Variants in FAM149A observed in about 807,000 individuals in gnomAD.
FAM149A encodes family with sequence similarity 149 member A, also known as protein FAM149A.
A neutral mutation model predicts 78.2 loss-of-function variants in FAM149A; 71 were observed. The ratio of observed to expected loss-of-function variants is 0.91; its 90% CI spans 0.75 to 1.11. The LOEUF is 1.11. Ranked by LOEUF, FAM149A falls within the 50% of genes least tolerant of loss-of-function variation. FAM149A has a pLI of 0.00. For synonymous variants in FAM149A, 446 were observed against 410.5 expected, an observed-to-expected ratio of 1.09 and a Z score of -1.04; for missense variants, 1,036 against 971.0, an observed-to-expected ratio of 1.07 and a Z score of -0.89.
chr4:186,108,556 G>GT (rs3081220), intron 1 of FAM149A, among the ~76,000 whole-genome samples: 1 of 151,934 alleles, frequency 6.6e-6, no homozygotes, highest in Non-Finnish European at 1.5e-5. Context: ...CAAGAATTCC[G>GT]TAAGTGAAAG....
At chr4:186,170,691 G>A (rs539748775) in intron 13 of FAM149A, among the ~76,000 whole-genome samples, 121 of 152,304 alleles carry the variant, frequency 7.9e-4, no homozygotes, top group African/African-American at 2.7e-3. Context: ...CAAGGGACAG[G>A]AAACCTCAGG....
Position 186,167,099 on chromosome 4 carries a change from G to A in FAM149A, c.2139+3G>A, listed in dbSNP as rs367927169. 2.5e-6 allele frequency: 4 copies of A among 1,611,204 alleles called. No homozygotes were observed. The highest frequency in any genetic ancestry group is 8.5e-7 in the Non-Finnish European group (1 of 1,177,826). On this transcript the variant is annotated splice_donor_region_variant and intron_variant, in intron 12 of 13. Coordinates refer to ENST00000389354, the MANE Select transcript of FAM149A (RefSeq NM_001367768.3). ...CCAGCACAACCCACACGTTCCGGGTGGGTTCTCTGTTTCCTGTAACTTTAA... is the reference window on the plus strand; with the variant it reads ...CCAGCACAACCCACACGTTCCGGGTAGGTTCTCTGTTTCCTGTAACTTTAA...
At position 186,157,674 on chromosome 4, in the gene FAM149A, C is replaced by T. The variant is rs76536463; in HGVS notation, c.1530C>T (p.Ala510=). 2,757 of 1,613,858 alleles carry T rather than the reference C, an allele frequency of 1.7e-3. 45 individuals carry two copies. In the African/African-American group the frequency reaches 0.032, roughly 19 times the overall value. ...CCAGTGGCCCCCCGTCCGGACACGC[C>T]GAGGCTCACGGCATCTCCCTGGCTT... Residue 510 remains alanine, a synonymous_variant, in exon 8 of 14, where the codon GCC becomes GCT. Transcript: ENST00000389354.
chr4:186,124,201 G>A, intron 1 of FAM149A: 2 of 985,270 alleles, frequency 2.0e-6, no homozygotes, highest in Non-Finnish European at 2.4e-6. Context: ...CTCCAGAGTG[G>A]AGGCAGAGGG....
chr4:186,117,534 C>G, intron 1 of FAM149A: 3 of 985,396 alleles, frequency 3.0e-6, no homozygotes, highest in Non-Finnish European at 3.6e-6. Context: ...AAGTGGGGCA[C>G]ATGGACACCT....
chr4:186,145,351 C>T (rs1028384380), intron 1 of FAM149A, among the ~76,000 whole-genome samples: 4 of 152,148 alleles, frequency 2.6e-5, no homozygotes, highest in Non-Finnish European at 4.4e-5. Context: ...GTGAGTGTTC[C>T]GTGCTGAGGA....
intron 1 of FAM149A, chr4:186,127,233 A>T: frequency 1.0e-6 from 1 of 963,118 alleles, no homozygotes; most frequent in Non-Finnish European, 1.2e-6. Flanking sequence ...AACTATTTTC[A>T]CCCTGCATGC....
In FAM149A at chr4:186,160,031, C is replaced by A. The variant is rs113636698; in HGVS notation, c.1575+2312C>A. Among the ~76,000 whole-genome samples the A allele has an allele frequency of 1.9e-3, 264 of 141,462 alleles. 1 individual carries two copies. The highest frequency in any genetic ancestry group is 6.5e-3 in the African/African-American group (244 of 37,688). The allele number at this position is 141,462 out of a possible 152,430, so 92.8% of individuals were successfully genotyped here. A position where few individuals can be genotyped will look rare whatever the true frequency, so the allele number is the denominator to read the frequency against. ...CACACACCCCCCACACAAACACACA[C>A]CCCACACAAACACACCACATACCAT... On this transcript the variant is annotated intron_variant, in intron 8 of 13. Transcript: ENST00000389354.
Position 186,163,537 on chromosome 4 carries a change from C to A in FAM149A, c.1793C>A (p.Thr598Lys), listed in dbSNP as rs866250623. 2.5e-6 allele frequency: 4 copies of A among 1,614,144 alleles called. No individual in the cohort carries two copies. The highest frequency in any genetic ancestry group is 2.7e-5 in the African/African-American group (2 of 75,040). ...GGATTATCACCTTCTGCAAAGAAAA[C>A]ACCAGTGCCCTGGAGGCTGCCTTCT... Residue 598 changes from threonine (T) to lysine (K), a missense_variant, in exon 10 of 14, where the codon ACA becomes AAA. This residue lies in a region of FAM149A where 716 missense variants were observed against 711.8 expected (regional missense o/e 1.01). Coordinates refer to ENST00000389354, the MANE Select transcript of FAM149A (RefSeq NM_001367768.3).
chr4:186,152,803 C>CA (rs1411233684), intron 4 of FAM149A, among the ~76,000 whole-genome samples: 1 of 152,052 alleles, frequency 6.6e-6, no homozygotes, highest in Non-Finnish European at 1.5e-5. Context: ...CTCAGCCTCC[C>CA]AAAGTGCTGG....
intron 1 of FAM149A, among the ~76,000 whole-genome samples, chr4:186,129,300 G>A (rs1031945014): frequency 1.3e-5 from 2 of 152,026 alleles, no homozygotes; most frequent in African/African-American, 4.8e-5. Context: ...TGACCAATAT[G>A]GCCAATATTG....
At position 186,173,718 on chromosome 4, in the gene FAM149A, C is replaced by CA. The variant is rs1209869134; in HGVS notation, c.*1731_*1732insA. Among the ~76,000 whole-genome samples the CA allele has an allele frequency of 2.6e-3, 298 of 112,478 alleles. 58 individuals carry two copies. The highest frequency in any genetic ancestry group is 8.1e-3 in the African/African-American group (290 of 35,936). The allele number at this position is 112,478 out of a possible 152,430, so 73.8% of individuals were successfully genotyped here. ...GCAGCAGCAGCAGCAGCAGCAGCAG[C>CA]GACCACCAGGTCCATGCCTCTTTTC... On this transcript the variant is annotated 3_prime_UTR_variant, in exon 14 of 14. Coordinates refer to ENST00000389354, the MANE Select transcript of FAM149A (RefSeq NM_001367768.3).
In FAM149A at chr4:186,146,768, G is replaced by A. The variant is rs1733079159; in HGVS notation, c.567-2405G>A. 3 of 981,582 alleles carry A rather than the reference G, an allele frequency of 3.1e-6. 1 individual carries two copies. In the South Asian group the frequency reaches 1.4e-4, roughly 46 times the overall value. 60.8% of individuals were successfully genotyped at this position (981,582 alleles called of 1,614,324 possible). A position where few individuals can be genotyped will look rare whatever the true frequency, so the allele number is the denominator to read the frequency against. On this transcript the variant is annotated intron_variant, in intron 1 of 13. Transcript: ENST00000389354. ...TTAACGAGTAAAACGTTATCCAATAGTGTCTTGAATCTGGGGAATATTTTC... is the reference window on the plus strand; with the variant it reads ...TTAACGAGTAAAACGTTATCCAATAATGTCTTGAATCTGGGGAATATTTTC...
At chr4:186,151,617 C>T (rs1478570396) in intron 3 of FAM149A, 6 of 463,330 alleles carry the variant, frequency 1.3e-5, no homozygotes, top group Non-Finnish European at 1.4e-5. Context: ...AGTATGAACA[C>T]GTCCATCTAT....
At chr4:186,136,976 T>TCTCTCTTTCTCTCTC (rs2099323291) in intron 1 of FAM149A, among the ~76,000 whole-genome samples, 3 of 72,118 alleles carry the variant, frequency 4.2e-5, no homozygotes, top group African/African-American at 1.8e-4. Context: ...CTCTCTCTCT[T>TCTCTCTTTCTCTCTC]TCTCTCTCTC....
chr4:186,124,370 G>T, intron 1 of FAM149A: 1 of 318,180 alleles, frequency 3.1e-6, no homozygotes, highest in Non-Finnish European at 4.5e-6. Context: ...CCATTAACTC[G>T]TCATTTACAT....
intron 1 of FAM149A, among the ~76,000 whole-genome samples, chr4:186,136,979 T>C: frequency 1.9e-5 from 2 of 106,686 alleles, no homozygotes; most frequent in Non-Finnish European, 3.9e-5. Context: ...TCTCTCTTTC[T>C]CTCTCTCTCT....
chr4:186,136,958 C>CTCTCTT (rs777600664), intron 1 of FAM149A, among the ~76,000 whole-genome samples: 1 of 103,178 alleles, frequency 9.7e-6, no homozygotes, highest in African/African-American at 4.4e-5. Flanking sequence ...CTCTCTCTCT[C>CTCTCTT]TCTCTTTCTC....
At chr4:186,160,765 C>CA (rs1734539265) in intron 8 of FAM149A, 1 of 953,736 alleles carries the variant, frequency 1.0e-6, no homozygotes, top group Admixed American at 7.5e-5. Flanking sequence ...CACACACACA[C>CA]CACATCACAC....
Sources: gnomAD v4.1 joint callset for allele counts (sites outside exome capture counted in the v4.1 genomes callset) on GRCh38, gnomAD v4.1.1 for gene constraint, gnomAD v4.1.1 regional missense constraint, MANE v1.5 for transcripts, NCBI Gene and HGNC (gene_info 2026-07-23, HGNC 2026-07-21) for gene names.